Variants in PTPRD observed in about 807,000 individuals in gnomAD.
The protein encoded by PTPRD is receptor-type tyrosine-protein phosphatase delta.
A neutral mutation model predicts 214.5 loss-of-function variants in PTPRD; 34 were observed. That is an observed-to-expected ratio of 0.16 (90% CI 0.12 to 0.21). The LOEUF is 0.21. PTPRD is among the 10% of genes least tolerant of loss of function. The pLI, the probability that PTPRD is intolerant of heterozygous loss-of-function variation, is 1.00. For synonymous variants in PTPRD, 1,128 were observed against 845.7 expected (o/e 1.33, Z -5.79); for missense variants, 2,545 against 2,398.7 (o/e 1.06, Z -1.27).
chr9:10,243,999 C>A (rs10809047), intron 3 of PTPRD, among the ~76,000 whole-genome samples: 83,877 of 151,722 alleles, frequency 0.55, 24,790 homozygotes, highest in East Asian at 0.73. Context: ...AAAGTAGGAT[C>A]ATAATTATGC....
At chr9:10,506,495 CAAAG>C (rs1305877360) in intron 2 of PTPRD, among the ~76,000 whole-genome samples, 3 of 151,964 alleles carry the variant, frequency 2.0e-5, no homozygotes, top group Admixed American at 1.3e-4. Context: ...GTTTGTAGCA[CAAAG>C]AAAGGATAAA....
chr9:9,470,917 T>C (rs2094543573), intron 8 of PTPRD, among the ~76,000 whole-genome samples: 2 of 152,146 alleles, frequency 1.3e-5, no homozygotes, highest in South Asian at 2.1e-4. Context: ...CAATCATAAA[T>C]GATTGGTGGG....
chr9:10,059,784 T>TAAA (rs5896364), intron 3 of PTPRD, among the ~76,000 whole-genome samples: 5 of 148,424 alleles, frequency 3.4e-5, no homozygotes, highest in African/African-American at 7.4e-5. Flanking sequence ...TTTAAGAAAT[T>TAAA]AAAAAAAAAA....
chr9:9,131,217 C>T (rs544647100), intron 10 of PTPRD, among the ~76,000 whole-genome samples: 3 of 152,266 alleles, frequency 2.0e-5, no homozygotes, highest in African/African-American at 4.8e-5. Flanking sequence ...TCTACTTACA[C>T]GTTGATGCAA....
At chr9:9,121,927 A>G (rs1009994685) in intron 10 of PTPRD, among the ~76,000 whole-genome samples, 1 of 152,214 alleles carries the variant, frequency 6.6e-6, no homozygotes, top group African/African-American at 2.4e-5. Context: ...ATCTCTCTAA[A>G]GAGTTTTGTA....
intron 29 of PTPRD, 107 bp downstream of exon 29, chr9:8,485,120 C>T (rs1194420945): frequency 2.5e-6 from 2 of 812,370 alleles, no homozygotes; most frequent in Non-Finnish European, 4.0e-6. Context: ...ATAGCAAGGA[C>T]ACGTGGCCAA....
chr9:9,807,472 A>G (rs2153529333), intron 5 of PTPRD, among the ~76,000 whole-genome samples: 1 of 152,266 alleles, frequency 6.6e-6, no homozygotes, highest in Non-Finnish European at 1.5e-5. Flanking sequence ...TTCAGAGAAA[A>G]GGCAATAGTA....
intron 8 of PTPRD, among the ~76,000 whole-genome samples, chr9:9,401,026 C>T (rs2184079): frequency 0.87 from 132,805 of 152,010 alleles, 58,143 homozygotes; most frequent in African/African-American, 0.9. Context: ...TTGGAAAATA[C>T]AGTGAAGAAA....
chr9:9,409,893 T>G (rs902955890), intron 8 of PTPRD, among the ~76,000 whole-genome samples: 9 of 152,122 alleles, frequency 5.9e-5, no homozygotes, highest in Admixed American at 5.9e-4. Flanking sequence ...ATAAGAAACT[T>G]TGGTCTAACA....
intron 33 of PTPRD, among the ~76,000 whole-genome samples, chr9:8,459,569 T>C (rs1447572745): frequency 6.6e-6 from 1 of 152,036 alleles, no homozygotes; most frequent in Non-Finnish European, 1.5e-5. Flanking sequence ...ATAAGAACAA[T>C]TACTAATGTC....
chr9:8,617,583 A>T (rs114332527), intron 14 of PTPRD, among the ~76,000 whole-genome samples: 212 of 152,242 alleles, frequency 1.4e-3, no homozygotes, highest in African/African-American at 4.9e-3. Flanking sequence ...TTGTCTAAGT[A>T]CTGGGATAAG....
chr9:8,385,472 C>A (rs2086651598), intron 37 of PTPRD, among the ~76,000 whole-genome samples: 1 of 152,290 alleles, frequency 6.6e-6, no homozygotes, highest in South Asian at 2.1e-4. Context: ...TATGACCACA[C>A]CACTGCACTG....
rs187881869 is a variant in PTPRD, at chr9:10,308,041, T to C, written c.-545+32922A>G. Among the ~76,000 whole-genome samples, 253 of 152,166 alleles carry C rather than the reference T, an allele frequency of 1.7e-3. 1 individual carries two copies. Among genetic ancestry groups the C allele is most frequent in the Non-Finnish European group, 3.2e-3 (215 of 67,946 alleles). ...GTCTCTTCACTTTCTTGATTTTTTT[T>C]CCCTTGCTGTGCAGAGTTTTTAGTT... On this transcript the variant is annotated intron_variant, in intron 3 of 45. Coordinates refer to ENST00000381196, the MANE Select transcript of PTPRD (RefSeq NM_002839.4).
At chr9:8,740,449 G>A (rs1264714315) in intron 11 of PTPRD, among the ~76,000 whole-genome samples, 5 of 152,164 alleles carry the variant, frequency 3.3e-5, no homozygotes, top group East Asian at 1.9e-4. Flanking sequence ...TAATATTAGC[G>A]AGGGATACGG....
At chr9:9,427,162 TG>T (rs765587469) in intron 8 of PTPRD, among the ~76,000 whole-genome samples, 1 of 151,920 alleles carries the variant, frequency 6.6e-6, no homozygotes, top group Non-Finnish European at 1.5e-5. Context: ...CTAAAAACCT[TG>T]AAAAAAGATT....
At position 8,708,149 on chromosome 9, in the gene PTPRD, G is replaced by A. The variant is rs965510658; in HGVS notation, c.64+25631C>T. Among the ~76,000 whole-genome samples, 3 of 152,116 alleles carry A rather than the reference G, an allele frequency of 2.0e-5. No individual in the cohort carries two copies. The South Asian group carries it at 6.2e-4, about 32-fold the overall frequency. On this transcript the variant is annotated intron_variant, in intron 12 of 45. Coordinates refer to ENST00000381196, the MANE Select transcript of PTPRD (RefSeq NM_002839.4). Reference sequence around the variant, plus strand: ...TGTATAAAATTTATATCTGTTCTTTGTTCAGCCAACCAGTTATTGAGAGTA... The same window carrying A: ...TGTATAAAATTTATATCTGTTCTTTATTCAGCCAACCAGTTATTGAGAGTA...
rs183994202 is a variant in PTPRD, at chr9:8,901,854, T to C, written c.-104+116843A>G. ...AAAATAGTCATACTAATGATTTTCATACATATAAGATGATGAAATCCTTCT... is the reference window on the plus strand; with the variant it reads ...AAAATAGTCATACTAATGATTTTCACACATATAAGATGATGAAATCCTTCT... On this transcript the variant is annotated intron_variant, in intron 11 of 45. Coordinates refer to ENST00000381196, the MANE Select transcript of PTPRD (RefSeq NM_002839.4). Among the ~76,000 whole-genome samples, 323 of 152,326 alleles carry C rather than the reference T, an allele frequency of 2.1e-3. 3 individuals carry two copies. Among genetic ancestry groups the C allele is most frequent in the Admixed American group, 4.3e-3 (66 of 15,296 alleles).
At chr9:10,354,837 G>A (rs1349369229) in intron 2 of PTPRD, among the ~76,000 whole-genome samples, 1 of 152,122 alleles carries the variant, frequency 6.6e-6, no homozygotes, top group African/African-American at 2.4e-5. Flanking sequence ...TGAGAAGGAT[G>A]TGTGCCGTAC....
At chr9:10,119,197 C>A (rs371006460) in intron 3 of PTPRD, among the ~76,000 whole-genome samples, 12 of 151,924 alleles carry the variant, frequency 7.9e-5, no homozygotes, top group South Asian at 6.2e-4. Context: ...ACAGAGCTAA[C>A]CCCCCCTTTT....
Sources: allele counts gnomAD v4.1 joint callset (sites outside exome capture counted in the v4.1 genomes callset), GRCh38; gene constraint gnomAD v4.1.1; transcripts MANE v1.5; gene names NCBI Gene and HGNC (gene_info 2026-07-23, HGNC 2026-07-21).